ELAVL2: variants seen among roughly 807,000 people sequenced by gnomAD.
ELAVL2 encodes the protein ELAV-like protein 2.
Under a neutral mutation model 34.6 loss-of-function variants are expected in ELAVL2, and 4 were observed. That is an observed-to-expected ratio of 0.12 (90% CI 0.06 to 0.26). The LOEUF (loss-of-function observed/expected upper bound fraction) is 0.26, where lower values mean the gene tolerates loss of function less well. Ranked by LOEUF, ELAVL2 falls within the 10% of genes least tolerant of loss-of-function variation. The pLI, the probability that ELAVL2 is intolerant of heterozygous loss-of-function variation, is 1.00. For missense variants in ELAVL2, 432 were observed against 442.8 expected, an observed-to-expected ratio of 0.98 and a Z score of 0.22; for synonymous variants, 193 against 154.8, an observed-to-expected ratio of 1.25 and a Z score of -1.83.
intron 1 of ELAVL2, among the ~76,000 whole-genome samples, chr9:23,810,765 T>C (rs1407713355): frequency 6.6e-6 from 1 of 152,124 alleles, no homozygotes; most frequent in Non-Finnish European, 1.5e-5. Context: ...TCCTCACCTA[T>C]AAAACATCAT....
At chr9:23,757,983 G>C (rs574716666) in intron 2 of ELAVL2, among the ~76,000 whole-genome samples, 3 of 152,160 alleles carry the variant, frequency 2.0e-5, no homozygotes, top group African/African-American at 7.2e-5. Context: ...CATTAAGAAA[G>C]ATTTAAGAAA....
At chr9:23,716,118 G>C (rs907542715) in intron 3 of ELAVL2, among the ~76,000 whole-genome samples, 2 of 144,456 alleles carry the variant, frequency 1.4e-5, no homozygotes, top group African/African-American at 2.5e-5. Flanking sequence ...TGAACAATGA[G>C]AACACTTGGA....
At chr9:23,718,164 A>C (rs2133958439) in intron 3 of ELAVL2, among the ~76,000 whole-genome samples, 1 of 152,280 alleles carries the variant, frequency 6.6e-6, no homozygotes, top group African/African-American at 2.4e-5. Context: ...TCTTTAACGT[A>C]TTTTAAAAAT....
chr9:23,813,304 G>T (rs1311636070), intron 1 of ELAVL2, among the ~76,000 whole-genome samples: 2 of 151,988 alleles, frequency 1.3e-5, no homozygotes, highest in Non-Finnish European at 2.9e-5. Flanking sequence ...AGGCTGCCCT[G>T]CTGCTTCTGG....
rs146349840 is a variant in ELAVL2 at position 23,804,513 on chromosome 9, A to G, written c.-16+21293T>C. 2.3e-3 allele frequency among the ~76,000 whole-genome samples: 353 copies of G among 152,314 alleles called. 2 individuals are homozygous for G. The highest frequency in any genetic ancestry group is 8.0e-3 in the African/African-American group (334 of 41,566). ...TATAATAGAGATATATACCCTGATT[A>G]ATTTAACCAATCCCCTACTGATGAA... On this transcript the variant is annotated intron_variant, in intron 1 of 6. Transcript: ENST00000397312.
intron 2 of ELAVL2, among the ~76,000 whole-genome samples, chr9:23,753,101 G>A (rs957655223): frequency 4.6e-5 from 7 of 152,106 alleles, no homozygotes; most frequent in African/African-American, 1.7e-4. Context: ...ATACCTTAAG[G>A]ACTAAAACAT....
chr9:23,749,647 G>C (rs1588070558), intron 2 of ELAVL2, among the ~76,000 whole-genome samples: 1 of 152,186 alleles, frequency 6.6e-6, no homozygotes, highest in South Asian at 2.1e-4. Context: ...CTTTTTGCAT[G>C]ATGCAAAGTG....
chr9:23,720,772 C>G (rs760708691), intron 3 of ELAVL2, among the ~76,000 whole-genome samples: 1 of 152,148 alleles, frequency 6.6e-6, no homozygotes, highest in Non-Finnish European at 1.5e-5. Flanking sequence ...CAGACCTACC[C>G]AAGTGCAAAT....
chr9:23,757,492 T>C (rs2053854951), intron 2 of ELAVL2, among the ~76,000 whole-genome samples: 1 of 151,810 alleles, frequency 6.6e-6, no homozygotes, highest in Non-Finnish European at 1.5e-5. Flanking sequence ...AGGGAGAGGG[T>C]TGGTTAAGGT....
chr9:23,727,591 C>A lies in ELAVL2; in HGVS notation c.333+3431G>T, dbSNP rs78068243. 5.5e-3 allele frequency among the ~76,000 whole-genome samples: 835 copies of A among 152,114 alleles called. 12 individuals are homozygous for A. Among genetic ancestry groups the A allele is most frequent in the African/African-American group, 0.019 (799 of 41,520 alleles). On this transcript the variant is annotated intron_variant, in intron 3 of 6. Transcript: ENST00000397312. Reference sequence around the variant, plus strand: ...CCTTAGACTTGCTGTCATAAATTACCTGGGAAGCATAATAAAAAACAGAAC... The same window carrying A: ...CCTTAGACTTGCTGTCATAAATTACATGGGAAGCATAATAAAAAACAGAAC...
At chr9:23,810,995 T>C (rs540483240) in intron 1 of ELAVL2, among the ~76,000 whole-genome samples, 1 of 152,326 alleles carries the variant, frequency 6.6e-6, no homozygotes, top group Admixed American at 6.5e-5. Context: ...CTAACTTGAC[T>C]GTCCAACACA....
intron 5 of ELAVL2, among the ~76,000 whole-genome samples, chr9:23,695,668 A>G (rs908131212): frequency 6.6e-6 from 1 of 152,188 alleles, no homozygotes; most frequent in Admixed American, 6.5e-5. Flanking sequence ...CCTGTATAAC[A>G]TGTCACTGTA....
At chr9:23,775,243 C>T (rs549357024) in intron 1 of ELAVL2, among the ~76,000 whole-genome samples, 1 of 151,982 alleles carries the variant, frequency 6.6e-6, no homozygotes, top group African/African-American at 2.4e-5. Flanking sequence ...TAGATATTTA[C>T]AAACAAAATC....
chr9:23,761,161 G>A (rs2054897980), intron 2 of ELAVL2, among the ~76,000 whole-genome samples: 1 of 151,942 alleles, frequency 6.6e-6, no homozygotes, highest in Non-Finnish European at 1.5e-5. Context: ...TATAAGCTTT[G>A]TAAAGCAATT....
At chr9:23,787,358 A>G (rs1232537425) in intron 1 of ELAVL2, among the ~76,000 whole-genome samples, 1 of 151,444 alleles carries the variant, frequency 6.6e-6, no homozygotes, top group Non-Finnish European at 1.5e-5. Flanking sequence ...CAGCCTCCAG[A>G]GTAGCTAGGA....
At chr9:23,774,119 G>A (rs1461244263) in intron 1 of ELAVL2, among the ~76,000 whole-genome samples, 1 of 147,576 alleles carries the variant, frequency 6.8e-6, no homozygotes, top group Non-Finnish European at 1.5e-5. Flanking sequence ...GCTGAGGCAG[G>A]ACAATGGCAT....
At position 23,774,280 on chromosome 9, in the gene ELAVL2, A is replaced by T. The variant is rs1034316921; in HGVS notation, c.-15-12031T>A. 2.0e-5 allele frequency among the ~76,000 whole-genome samples: 3 copies of T among 149,176 alleles called. No individual in the cohort carries two copies. The South Asian group carries it at 6.5e-4, about 32-fold the overall frequency. On this transcript the variant is annotated intron_variant, in intron 1 of 6. Coordinates refer to ENST00000397312, the MANE Select transcript of ELAVL2 (RefSeq NM_004432.5). Reference sequence around the variant, plus strand: ...GAAAATTTGCTTATCTGTCTTTTGGATTAAGCCTGTCAGTTTTTCTTCCCC... The same window carrying T: ...GAAAATTTGCTTATCTGTCTTTTGGTTTAAGCCTGTCAGTTTTTCTTCCCC...
At chr9:23,788,436 A>C (rs949672568) in intron 1 of ELAVL2, among the ~76,000 whole-genome samples, 1 of 152,164 alleles carries the variant, frequency 6.6e-6, no homozygotes, top group Admixed American at 6.5e-5. Context: ...TAGATGCCTG[A>C]AACTTCAGAT....
At chr9:23,767,681 G>A (rs1387460784) in intron 1 of ELAVL2, among the ~76,000 whole-genome samples, 1 of 152,130 alleles carries the variant, frequency 6.6e-6, no homozygotes, top group Non-Finnish European at 1.5e-5. Flanking sequence ...GCTGAGGCAG[G>A]AGAATGGCTT....
Sources: allele counts gnomAD v4.1 joint callset (sites outside exome capture counted in the v4.1 genomes callset), GRCh38; gene constraint gnomAD v4.1.1; transcripts MANE v1.5; gene names NCBI Gene and HGNC (gene_info 2026-07-23, HGNC 2026-07-21).